Variants in NEGR1 observed in about 807,000 individuals in gnomAD.
NEGR1 encodes neuronal growth regulator 1, also known as IgLON family member 4.
In NEGR1, 10 loss-of-function variants were observed where a neutral mutation model predicts 40.9. That is an observed-to-expected ratio of 0.24 (90% CI 0.15 to 0.42). NEGR1 has a LOEUF of 0.42. Ranked by LOEUF, NEGR1 falls within the 10% of genes least tolerant of loss-of-function variation. The probability of loss-of-function intolerance (pLI) is 1.00; values close to 1 mark genes in which losing one functional copy is unlikely to be tolerated. For synonymous variants in NEGR1, 185 were observed against 166.8 expected (o/e 1.11, Z -0.84); for missense variants, 352 against 438.9 (o/e 0.80, Z 1.77).
chr1:71,704,324 G>T (rs1022367999), intron 3 of NEGR1, among the ~76,000 whole-genome samples: 26 of 151,864 alleles, frequency 1.7e-4, no homozygotes, highest in Admixed American at 1.5e-3. Context: ...AATTGAAGAT[G>T]AACAGTCAAC....
chr1:72,034,282 G>C (rs1646883998), intron 1 of NEGR1, among the ~76,000 whole-genome samples: 1 of 152,134 alleles, frequency 6.6e-6, no homozygotes, highest in South Asian at 2.1e-4. Flanking sequence ...TATTTCTTTA[G>C]CCCTTGGAAA....
At chr1:71,655,755 A>T (rs1026993142) in intron 4 of NEGR1, among the ~76,000 whole-genome samples, 1 of 152,156 alleles carries the variant, frequency 6.6e-6, no homozygotes, top group Non-Finnish European at 1.5e-5. Flanking sequence ...CACAGTCTAG[A>T]AGATACTGAG....
intron 3 of NEGR1, among the ~76,000 whole-genome samples, chr1:71,762,052 G>T (rs2101701091): frequency 6.6e-6 from 1 of 152,090 alleles, no homozygotes; most frequent in South Asian, 2.1e-4. Context: ...GGAATGTAAA[G>T]GGCACTAAGT....
intron 2 of NEGR1, among the ~76,000 whole-genome samples, chr1:71,827,806 T>G (rs1225927490): frequency 1.3e-5 from 2 of 151,830 alleles, no homozygotes; most frequent in African/African-American, 4.8e-5. Flanking sequence ...AAAAACAGCA[T>G]GATATCTTCA....
chr1:71,804,127 T>C (rs2101751814), intron 2 of NEGR1, among the ~76,000 whole-genome samples: 1 of 152,270 alleles, frequency 6.6e-6, no homozygotes, highest in Non-Finnish European at 1.5e-5. Flanking sequence ...AACCCTACCA[T>C]TTCATTTCTG....
At chr1:72,122,977 T>C (rs1248940633) in intron 1 of NEGR1, among the ~76,000 whole-genome samples, 1 of 151,938 alleles carries the variant, frequency 6.6e-6, no homozygotes, top group Non-Finnish European at 1.5e-5. Context: ...ATGGGATATA[T>C]TGAGAACATG....
At chr1:72,130,743 C>T (rs181803313) in intron 1 of NEGR1, among the ~76,000 whole-genome samples, 8 of 152,228 alleles carry the variant, frequency 5.3e-5, no homozygotes, top group South Asian at 2.1e-4. Flanking sequence ...CCTCAGCCAA[C>T]GCAAAATATC....
intron 1 of NEGR1, among the ~76,000 whole-genome samples, chr1:72,150,163 T>C (rs1026380546): frequency 6.6e-6 from 1 of 152,154 alleles, no homozygotes; most frequent in Non-Finnish European, 1.5e-5. Flanking sequence ...TTCTCTGCCA[T>C]TCATTTATTA....
intron 2 of NEGR1, among the ~76,000 whole-genome samples, chr1:71,793,994 GC>G (rs1258749639): frequency 6.6e-6 from 1 of 152,094 alleles, no homozygotes; most frequent in Non-Finnish European, 1.5e-5. Context: ...AGGTAAGGAA[GC>G]CCAGTTTTTC....
intron 6 of NEGR1, among the ~76,000 whole-genome samples, chr1:71,425,593 C>G (rs575456908): frequency 2.0e-5 from 3 of 152,018 alleles, no homozygotes; most frequent in African/African-American, 2.4e-5. Flanking sequence ...TATGTAATCT[C>G]CATATAGAGT....
chr1:71,716,868 T>C (rs1382691486), intron 3 of NEGR1, among the ~76,000 whole-genome samples: 1 of 152,196 alleles, frequency 6.6e-6, no homozygotes, highest in African/African-American at 2.4e-5. Flanking sequence ...AGTTTAGCCA[T>C]TGTTTTTCCC....
intron 2 of NEGR1, among the ~76,000 whole-genome samples, chr1:71,877,801 G>A (rs1251086328): frequency 2.6e-5 from 4 of 152,080 alleles, no homozygotes; most frequent in African/African-American, 7.2e-5. Flanking sequence ...ATTTTCTACT[G>A]CAGCTGTCCA....
intron 6 of NEGR1, chr1:71,488,117 G>C (rs1646900161): frequency 6.6e-6 from 1 of 151,974 alleles, no homozygotes; most frequent in East Asian, 1.9e-4. Flanking sequence ...GCAGTGGTGT[G>C]TGGGTCCCTT....
intron 2 of NEGR1, among the ~76,000 whole-genome samples, chr1:71,904,565 C>T (rs998649402): frequency 2.0e-5 from 3 of 151,992 alleles, no homozygotes; most frequent in Non-Finnish European, 4.4e-5. Flanking sequence ...ATAGGTTTGG[C>T]AAAATTAGAA....
intron 1 of NEGR1, among the ~76,000 whole-genome samples, chr1:72,208,671 G>A (rs946286775): frequency 8.6e-5 from 13 of 151,376 alleles, no homozygotes; most frequent in African/African-American, 2.9e-4. Flanking sequence ...TTTTCTCTAC[G>A]GTCTACACTA....
At chr1:72,269,474 C>T (rs888970341) in intron 1 of NEGR1, among the ~76,000 whole-genome samples, 4 of 151,554 alleles carry the variant, frequency 2.6e-5, no homozygotes, top group Admixed American at 6.6e-5. Flanking sequence ...GGACATATTG[C>T]GGCTTTTGAA....
chr1:72,016,873 T>C (rs1304659199), intron 1 of NEGR1, among the ~76,000 whole-genome samples: 2 of 152,190 alleles, frequency 1.3e-5, no homozygotes, highest in Non-Finnish European at 2.9e-5. Flanking sequence ...GTATTATACC[T>C]GAATTATAAA....
intron 6 of NEGR1, among the ~76,000 whole-genome samples, chr1:71,589,236 C>T (rs1649414554): frequency 6.6e-6 from 1 of 152,114 alleles, no homozygotes; most frequent in Non-Finnish European, 1.5e-5. Flanking sequence ...ACAGCTTTCA[C>T]AGCACTCCAC....
At chr1:71,593,910 T>C (rs1235582735) in intron 5 of NEGR1, among the ~76,000 whole-genome samples, 1 of 152,236 alleles carries the variant, frequency 6.6e-6, no homozygotes, top group Non-Finnish European at 1.5e-5. Context: ...TTTTGTACTA[T>C]TCTCTCTAGC....
Sources: allele counts gnomAD v4.1 joint callset (sites outside exome capture counted in the v4.1 genomes callset), GRCh38; gene constraint gnomAD v4.1.1; transcripts MANE v1.5; gene names NCBI Gene and HGNC (gene_info 2026-07-23, HGNC 2026-07-21).